ACVR1C: variants seen among roughly 807,000 people sequenced by gnomAD.
ACVR1C encodes the protein activin A receptor type 1C, also known as activin receptor type-1C.
Under a neutral mutation model 57.9 loss-of-function variants are expected in ACVR1C, and 23 were observed. That is an observed-to-expected ratio of 0.40 (90% confidence interval 0.29 to 0.56). ACVR1C has a LOEUF of 0.56. ACVR1C is among the 20% of genes least tolerant of loss of function. The probability of loss-of-function intolerance (pLI) is 0.50; values close to 1 mark genes in which losing one functional copy is unlikely to be tolerated. For synonymous variants in ACVR1C, 214 were observed against 215.3 expected, an observed-to-expected ratio of 0.99 and a Z score of 0.05; for missense variants, 480 against 607.9, an observed-to-expected ratio of 0.79 and a Z score of 2.21.
rs1486221614 is a variant in ACVR1C, at chr2:157,628,560, C to A, written c.73+12G>T. 2 of 1,606,874 alleles carry A rather than the reference C, an allele frequency of 1.2e-6. No individual in the cohort carries two copies. Among genetic ancestry groups the A allele is most frequent in the African/African-American group, 1.3e-5 (1 of 74,804 alleles). On this transcript the variant is annotated intron_variant, in intron 1 of 8. Transcript: ENST00000243349. ...ACCCTCGCGGGCGTCGGGAGAGAAACCAGCACCGTACCTGGCGAGAGCTCG... is the reference window on the plus strand; with the variant it reads ...ACCCTCGCGGGCGTCGGGAGAGAAAACAGCACCGTACCTGGCGAGAGCTCG...
At chr2:157,574,880 G>C (rs916119357) in intron 2 of ACVR1C, among the ~76,000 whole-genome samples, 2 of 152,186 alleles carry the variant, frequency 1.3e-5, no homozygotes, top group Non-Finnish European at 2.9e-5. Flanking sequence ...CATGATCCAA[G>C]GCAGCTGCTA....
chr2:157,546,554 C>A (rs1558971250), intron 4 of ACVR1C, among the ~76,000 whole-genome samples: 1 of 151,938 alleles, frequency 6.6e-6, no homozygotes, highest in Non-Finnish European at 1.5e-5. Context: ...TGTCTTAACC[C>A]TTTTTTAGAT....
intron 3 of ACVR1C, among the ~76,000 whole-genome samples, chr2:157,553,908 T>A (rs1436745414): frequency 1.3e-5 from 2 of 151,756 alleles, no homozygotes; most frequent in African/African-American, 2.4e-5. Context: ...TGTGGCCAGG[T>A]GCAGTGGCTC....
intron 1 of ACVR1C, among the ~76,000 whole-genome samples, chr2:157,598,432 A>G (rs1252116431): frequency 6.6e-6 from 1 of 151,930 alleles, no homozygotes; most frequent in Non-Finnish European, 1.5e-5. Context: ...AAAGACATAA[A>G]TCCCAGAATT....
chr2:157,534,246 G>A (rs980230962), intron 8 of ACVR1C, among the ~76,000 whole-genome samples: 1 of 151,566 alleles, frequency 6.6e-6, no homozygotes, highest in Non-Finnish European at 1.5e-5. Context: ...AAACTCTTGT[G>A]CTCAACCGAT....
Position 157,529,147 on chromosome 2 carries a change from C to G in ACVR1C, c.*4771G>C, listed in dbSNP as rs10166720. The G allele has an allele frequency of 0.14, 20,935 of 152,032 alleles. 2,426 individuals carry two copies. Among genetic ancestry groups the G allele is most frequent in the African/African-American group, 0.32 (13,129 of 41,438 alleles). 9.4% of individuals were successfully genotyped at this position (152,032 alleles called of 1,614,324 possible). A position where few individuals can be genotyped will look rare whatever the true frequency, so the allele number is the denominator to read the frequency against. ...ATTCAGCTATCAAATCACCTTTCACCCCCATTCCAAGGTACAAAGAGAAAG... is the reference window on the plus strand; with the variant it reads ...ATTCAGCTATCAAATCACCTTTCACGCCCATTCCAAGGTACAAAGAGAAAG... On this transcript the variant is annotated 3_prime_UTR_variant, in exon 9 of 9. Coordinates refer to ENST00000243349, the MANE Select transcript of ACVR1C (RefSeq NM_145259.3).
chr2:157,580,791 A>G (rs962667497), intron 2 of ACVR1C, among the ~76,000 whole-genome samples: 4 of 152,192 alleles, frequency 2.6e-5, no homozygotes, highest in African/African-American at 7.2e-5. Flanking sequence ...GAAATAAAAT[A>G]TGGTTCCCGA....
intron 3 of ACVR1C, among the ~76,000 whole-genome samples, chr2:157,552,812 C>A (rs1354333997): frequency 6.6e-6 from 1 of 152,202 alleles, no homozygotes; most frequent in Non-Finnish European, 1.5e-5. Flanking sequence ...CAAAATGAAT[C>A]TAATTCTTCT....
At chr2:157,566,537 T>C (rs981523705) in intron 2 of ACVR1C, among the ~76,000 whole-genome samples, 62 of 152,280 alleles carry the variant, frequency 4.1e-4, no homozygotes, top group Admixed American at 3.9e-3. Flanking sequence ...GGCGAGGCAT[T>C]GCCTCACCTG....
intron 1 of ACVR1C, among the ~76,000 whole-genome samples, chr2:157,604,400 T>C (rs1158720497): frequency 6.6e-6 from 1 of 151,994 alleles, no homozygotes; most frequent in African/African-American, 2.4e-5. Flanking sequence ...TTTAAGGTAT[T>C]TGAGATTTAT....
intron 4 of ACVR1C, among the ~76,000 whole-genome samples, chr2:157,546,908 C>T (rs1038545968): frequency 7.2e-5 from 11 of 151,756 alleles, no homozygotes; most frequent in African/African-American, 2.7e-4. Context: ...TGCTGGTGCG[C>T]TGCACCCACT....
intron 3 of ACVR1C, among the ~76,000 whole-genome samples, chr2:157,554,621 C>T (rs1246714888): frequency 6.6e-6 from 1 of 152,110 alleles, no homozygotes; most frequent in Non-Finnish European, 1.5e-5. Context: ...CCAGAAGGAG[C>T]GAACTATCTG....
At chr2:157,580,107 A>C (rs1347930505) in intron 2 of ACVR1C, among the ~76,000 whole-genome samples, 1 of 151,420 alleles carries the variant, frequency 6.6e-6, no homozygotes, top group Non-Finnish European at 1.5e-5. Context: ...GCACGCACAC[A>C]CGTGCGCGTG....
chr2:157,585,635 T>TA (rs750501201), intron 2 of ACVR1C, among the ~76,000 whole-genome samples: 13 of 152,190 alleles, frequency 8.5e-5, no homozygotes, highest in Admixed American at 7.9e-4. Flanking sequence ...CTCTCCTTTT[T>TA]ACCCCTAAAA....
intron 2 of ACVR1C, among the ~76,000 whole-genome samples, chr2:157,580,154 T>C (rs1247005664): frequency 6.6e-6 from 1 of 152,152 alleles, no homozygotes; most frequent in East Asian, 1.9e-4. Context: ...TTTCCAGTCA[T>C]ATATACTACA....
At chr2:157,608,171 T>C (rs1011592453) in intron 1 of ACVR1C, among the ~76,000 whole-genome samples, 1 of 151,934 alleles carries the variant, frequency 6.6e-6, no homozygotes, top group Non-Finnish European at 1.5e-5. Context: ...TATGCCTAGA[T>C]TATTGAGAGT....
Position 157,581,034 on chromosome 2 carries a change from A to G in ACVR1C, c.304+6153T>C, listed in dbSNP as rs377665900. 2.6e-5 allele frequency among the ~76,000 whole-genome samples: 4 copies of G among 152,192 alleles called. No individual in the cohort carries two copies. In the South Asian group the frequency reaches 8.3e-4, roughly 32 times the overall value. ...ACAGGCAGGCTTAGAGTCAGAATTCACTCTATTACTTTGGCCCCAAAAACC... is the reference window on the plus strand; with the variant it reads ...ACAGGCAGGCTTAGAGTCAGAATTCGCTCTATTACTTTGGCCCCAAAAACC... On this transcript the variant is annotated intron_variant, in intron 2 of 8. Transcript: ENST00000243349.
intron 1 of ACVR1C, among the ~76,000 whole-genome samples, chr2:157,594,993 G>A (rs2105132724): frequency 6.6e-6 from 1 of 152,312 alleles, no homozygotes; most frequent in East Asian, 1.9e-4. Context: ...AAATTTCTCA[G>A]TTTAGCATTT....
chr2:157,554,205 A>AAGAAAGAAAGAAAGAAAG (rs1688000654), intron 3 of ACVR1C, among the ~76,000 whole-genome samples: 1 of 68,706 alleles, frequency 1.5e-5, no homozygotes, highest in Non-Finnish European at 2.9e-5. Flanking sequence ...AGAAGAGAGA[A>AAGAAAGAAAGAAAGAAAG]AGAAAGAAAG....
Sources: gnomAD v4.1 joint callset for allele counts (sites outside exome capture counted in the v4.1 genomes callset) on GRCh38, gnomAD v4.1.1 for gene constraint, MANE v1.5 for transcripts, NCBI Gene and HGNC (gene_info 2026-07-23, HGNC 2026-07-21) for gene names.